The following RIT2 variants were observed in gnomAD, a reference collection of about 807,000 sequenced individuals.
RIT2 encodes the protein Ras like without CAAX 2, also known as GTP-binding protein Rit2.
In RIT2, 24 loss-of-function variants were observed where a neutral mutation model predicts 23.7. That is an observed-to-expected ratio of 1.01 (90% CI 0.73 to 1.43). The LOEUF (loss-of-function observed/expected upper bound fraction) is 1.43, where lower values mean the gene tolerates loss of function less well. RIT2 is among the 40% of genes most tolerant of loss of function. The probability of loss-of-function intolerance (pLI) is 0.00; values close to 1 mark genes in which losing one functional copy is unlikely to be tolerated. For missense variants in RIT2, 236 were observed against 266.9 expected (o/e 0.88, Z 0.81); for synonymous variants, 107 against 91.1 (o/e 1.17, Z -0.99).
intron 4 of RIT2, among the ~76,000 whole-genome samples, chr18:42,875,941 A>G (rs1907733183): frequency 1.3e-5 from 2 of 152,182 alleles, no homozygotes; most frequent in East Asian, 3.9e-4. Context: ...GTCATTTATC[A>G]CCACAGAGTT....
chr18:42,774,631 T>A (rs1913626288), intron 4 of RIT2, among the ~76,000 whole-genome samples: 1 of 151,962 alleles, frequency 6.6e-6, no homozygotes, highest in Non-Finnish European at 1.5e-5. Context: ...GACTTTTTTT[T>A]TTTTAACTAA....
chr18:42,847,674 T>A (rs1444934028), intron 4 of RIT2, among the ~76,000 whole-genome samples: 2 of 152,096 alleles, frequency 1.3e-5, no homozygotes, highest in Non-Finnish European at 2.9e-5. Flanking sequence ...ATTATATTTT[T>A]ACTGCTGGAG....
intron 4 of RIT2, among the ~76,000 whole-genome samples, chr18:42,765,444 A>G (rs1346949556): frequency 6.6e-6 from 1 of 152,166 alleles, no homozygotes; most frequent in East Asian, 1.9e-4. Context: ...TGGCTTTTGT[A>G]AACCTCCCTG....
chr18:42,895,753 A>C (rs1037217645), intron 4 of RIT2, among the ~76,000 whole-genome samples: 11 of 152,184 alleles, frequency 7.2e-5, no homozygotes, highest in South Asian at 2.1e-4. Flanking sequence ...AGAGTGCAAA[A>C]TCTGACATCT....
intron 4 of RIT2, among the ~76,000 whole-genome samples, chr18:42,780,239 A>G (rs1043730536): frequency 6.6e-6 from 1 of 151,952 alleles, no homozygotes; most frequent in African/African-American, 2.4e-5. Flanking sequence ...TCAGCCCTAA[A>G]GGCAGGACAT....
rs569766164 is a variant in RIT2, at chr18:43,073,641, A to G, written c.104-39774T>C. Among the ~76,000 whole-genome samples the G allele has an allele frequency of 2.0e-5, 3 of 152,280 alleles. No individual in the cohort carries two copies. In the South Asian group the frequency reaches 6.2e-4, roughly 32 times the overall value. On this transcript the variant is annotated intron_variant, in intron 1 of 4. Coordinates refer to ENST00000326695, the MANE Select transcript of RIT2 (RefSeq NM_002930.4). Reference sequence around the variant, plus strand: ...GATTCGCTTTTGCAGATATCGTCATATGTGAATTGAGTTAGAGGTGGATGT... The same window carrying G: ...GATTCGCTTTTGCAGATATCGTCATGTGTGAATTGAGTTAGAGGTGGATGT...
rs376144367 is a variant in RIT2, at chr18:43,094,123, G to GTTTTTTTTT, written c.103+21285_103+21293dup. Among the ~76,000 whole-genome samples, 37 of 116,050 alleles carry GTTTTTTTTT rather than the reference G, an allele frequency of 3.2e-4. 1 individual carries two copies. The highest frequency in any genetic ancestry group is 3.8e-4 in the Non-Finnish European group (22 of 57,488). 76.1% of individuals were successfully genotyped at this position (116,050 alleles called of 152,430 possible). On this transcript the variant is annotated intron_variant, in intron 1 of 4. Transcript: ENST00000326695. ...AAATTGGTATTAGTGGGTTTTTTTT[G>GTTTTTTTTT]TTTTTTTTTTTTTTTTTCACTTTGC...
At chr18:42,912,541 C>CT (rs1242788733) in intron 4 of RIT2, among the ~76,000 whole-genome samples, 1 of 151,872 alleles carries the variant, frequency 6.6e-6, no homozygotes, top group Non-Finnish European at 1.5e-5. Context: ...ATACAATATA[C>CT]TTTGAGGACT....
chr18:42,804,702 G>T (rs890737950), intron 4 of RIT2, among the ~76,000 whole-genome samples: 2 of 151,644 alleles, frequency 1.3e-5, no homozygotes, highest in African/African-American at 2.4e-5. Context: ...AGTGTCAACT[G>T]TCACAGCCCA....
intron 4 of RIT2, among the ~76,000 whole-genome samples, chr18:42,917,965 C>G (rs1193891110): frequency 6.6e-6 from 1 of 152,106 alleles, no homozygotes; most frequent in Non-Finnish European, 1.5e-5. Flanking sequence ...CTCCTTTGCC[C>G]TTTTCACTGC....
At chr18:43,058,703 A>G (rs759009839) in intron 1 of RIT2, among the ~76,000 whole-genome samples, 57 of 152,104 alleles carry the variant, frequency 3.7e-4, no homozygotes, top group Non-Finnish European at 7.2e-4. Context: ...CCTGGGCAAC[A>G]TGGCAAAACC....
intron 1 of RIT2, among the ~76,000 whole-genome samples, chr18:43,039,334 A>AT (rs201588795): frequency 5.1e-5 from 7 of 136,768 alleles, no homozygotes; most frequent in Non-Finnish European, 9.5e-5. Context: ...TTCTGTTGAC[A>AT]TTTTTTTTTC....
chr18:43,096,706 G>A (rs1452883534), intron 1 of RIT2, among the ~76,000 whole-genome samples: 1 of 151,846 alleles, frequency 6.6e-6, no homozygotes, highest in Non-Finnish European at 1.5e-5. Context: ...ACTAAGTTGA[G>A]TGGTGGGGGT....
intron 4 of RIT2, among the ~76,000 whole-genome samples, chr18:42,875,643 T>C (rs1907726721): frequency 6.6e-6 from 1 of 151,984 alleles, no homozygotes; most frequent in Non-Finnish European, 1.5e-5. Context: ...TAGAATATAA[T>C]TGGAAACCAG....
Position 43,111,924 on chromosome 18 carries a change from A to G in RIT2, c.103+3493T>C, listed in dbSNP as rs4132279. ...GCCATTGTCCAAATAATTCTTGTGT[A>G]TCCCTGTTTTCTCTGCAGTTAGTAA... On this transcript the variant is annotated intron_variant, in intron 1 of 4. Coordinates refer to ENST00000326695, the MANE Select transcript of RIT2 (RefSeq NM_002930.4). Among the ~76,000 whole-genome samples the G allele has an allele frequency of 8.6e-3, 1,312 of 152,128 alleles. 49 individuals are homozygous for G. In the East Asian group the frequency reaches 0.12, roughly 13 times the overall value.
intron 4 of RIT2, among the ~76,000 whole-genome samples, chr18:42,791,949 A>G (rs1914053213): frequency 6.6e-6 from 1 of 152,162 alleles, no homozygotes; most frequent in South Asian, 2.1e-4. Flanking sequence ...AAAACATCAT[A>G]AGGATTTTGG....
intron 4 of RIT2, among the ~76,000 whole-genome samples, chr18:42,781,837 A>G (rs1315377341): frequency 6.6e-6 from 1 of 152,232 alleles, no homozygotes; most frequent in Non-Finnish European, 1.5e-5. Context: ...AGTTGTAAGC[A>G]AAAGTCTAAT....
At chr18:43,062,641 T>A (rs989538389) in intron 1 of RIT2, among the ~76,000 whole-genome samples, 1 of 152,194 alleles carries the variant, frequency 6.6e-6, no homozygotes, top group African/African-American at 2.4e-5. Flanking sequence ...AAGACCAAGA[T>A]CAGTAGTTTA....
chr18:42,956,110 A>C (rs1458744596), intron 3 of RIT2, among the ~76,000 whole-genome samples: 4 of 152,166 alleles, frequency 2.6e-5, no homozygotes, highest in Admixed American at 2.6e-4. Context: ...ATTCAGGTAA[A>C]GAGTGAGTCA....
Sources: allele counts gnomAD v4.1 joint callset (sites outside exome capture counted in the v4.1 genomes callset), GRCh38; gene constraint gnomAD v4.1.1; transcripts MANE v1.5; gene names NCBI Gene and HGNC (gene_info 2026-07-23, HGNC 2026-07-21).